HS2ST1: variants seen among roughly 807,000 people sequenced by gnomAD.
The protein encoded by HS2ST1 is heparan sulfate 2-O-sulfotransferase 1, also known as 2-O-sulfotransferase.
HS2ST1 carries 18 observed loss-of-function variants against 42.9 expected under a neutral mutation model. The observed-to-expected ratio is 0.42, with a 90% CI of 0.29 to 0.62. The LOEUF is 0.62. HS2ST1 is among the 20% of genes least tolerant of loss of function. The pLI is 0.21. For synonymous variants in HS2ST1, 146 were observed against 152.9 expected (o/e 0.95, Z 0.33); for missense variants, 334 against 433.8 (o/e 0.77, Z 2.04).
intron 1 of HS2ST1, among the ~76,000 whole-genome samples, chr1:86,990,674 G>A (rs1231881033): frequency 6.7e-6 from 1 of 148,168 alleles, no homozygotes; most frequent in African/African-American, 2.5e-5. Flanking sequence ...ACGGAGTTTT[G>A]CTCTTGTTGC....
intron 1 of HS2ST1, among the ~76,000 whole-genome samples, chr1:87,041,368 CAGAATG>C (rs1201226303): frequency 6.6e-6 from 1 of 150,926 alleles, no homozygotes; most frequent in Non-Finnish European, 1.5e-5. Flanking sequence ...GTGTGGGTTA[CAGAATG>C]AGATCCTGTC....
At chr1:86,963,751 C>CTG (rs1396195322) in intron 1 of HS2ST1, among the ~76,000 whole-genome samples, 4 of 140,366 alleles carry the variant, frequency 2.8e-5, no homozygotes, top group Non-Finnish European at 6.3e-5. Flanking sequence ...GGCGCCCCCC[C>CTG]CCCCACCTCC....
chr1:86,977,492 G>A (rs1648454270), intron 1 of HS2ST1, among the ~76,000 whole-genome samples: 1 of 152,176 alleles, frequency 6.6e-6, no homozygotes, highest in Non-Finnish European at 1.5e-5. Flanking sequence ...CTGCATATTT[G>A]TAATGTCATA....
chr1:87,062,979 A>T (rs1265891475), intron 1 of HS2ST1, among the ~76,000 whole-genome samples: 3 of 152,122 alleles, frequency 2.0e-5, no homozygotes, highest in African/African-American at 4.8e-5. Flanking sequence ...ATGTCTTGAC[A>T]TGGATATCTT....
chr1:87,103,970 C>A (rs1652273999), intron 6 of HS2ST1, among the ~76,000 whole-genome samples: 1 of 152,152 alleles, frequency 6.6e-6, no homozygotes, highest in Non-Finnish European at 1.5e-5. Context: ...TATCATGTGT[C>A]TGAAAGTGAT....
intron 1 of HS2ST1, among the ~76,000 whole-genome samples, chr1:86,929,798 C>T (rs76098585): frequency 0.05 from 7,630 of 151,690 alleles, 671 homozygotes; most frequent in African/African-American, 0.17. Flanking sequence ...GTCAGTTTTC[C>T]CATGGTGATT....
chr1:86,970,003 T>G (rs900509089), intron 1 of HS2ST1, among the ~76,000 whole-genome samples: 4 of 151,684 alleles, frequency 2.6e-5, no homozygotes, highest in Admixed American at 1.3e-4. Flanking sequence ...CACATGCCTG[T>G]AATCCCAGCT....
At chr1:86,915,856 A>T (rs1660143201) in intron 1 of HS2ST1, among the ~76,000 whole-genome samples, 1 of 152,186 alleles carries the variant, frequency 6.6e-6, no homozygotes, top group East Asian at 1.9e-4. Flanking sequence ...GGGGCTTGAG[A>T]ATAGGGATGC....
chr1:86,947,600 A>T (rs1401573444), intron 1 of HS2ST1, among the ~76,000 whole-genome samples: 12 of 142,304 alleles, frequency 8.4e-5, no homozygotes, highest in African/African-American at 1.3e-4. Flanking sequence ...TTTTTTTTTT[A>T]AAGTGAAAAC....
chr1:86,931,944 T>C (rs1338290030), intron 1 of HS2ST1, among the ~76,000 whole-genome samples: 1 of 152,122 alleles, frequency 6.6e-6, no homozygotes, highest in Non-Finnish European at 1.5e-5. Context: ...TAACTTTTCT[T>C]TCTTCTTTTT....
At chr1:86,948,140 A>C (rs1157517898) in intron 1 of HS2ST1, among the ~76,000 whole-genome samples, 1 of 152,116 alleles carries the variant, frequency 6.6e-6, no homozygotes, top group African/African-American at 2.4e-5. Flanking sequence ...AAAAAACAAA[A>C]AAGACTTCTC....
intron 2 of HS2ST1, among the ~76,000 whole-genome samples, chr1:87,082,390 C>T (rs1396019727): frequency 1.3e-5 from 2 of 152,202 alleles, no homozygotes; most frequent in East Asian, 3.8e-4. Flanking sequence ...ATATGATCTT[C>T]CCTGCTGTTT....
intron 4 of HS2ST1, among the ~76,000 whole-genome samples, chr1:87,096,697 G>A (rs1652076039): frequency 6.6e-6 from 1 of 152,186 alleles, no homozygotes; most frequent in African/African-American, 2.4e-5. Context: ...TCAGCTGTGA[G>A]AACGAGAATT....
chr1:86,986,114 G>A lies in HS2ST1; in HGVS notation c.124+70954G>A, dbSNP rs535193847. Among the ~76,000 whole-genome samples the A allele has an allele frequency of 2.1e-5, 3 of 144,432 alleles. No individual in the cohort carries two copies. The East Asian group carries it at 6.2e-4, about 30-fold the overall frequency. 94.8% of individuals were successfully genotyped at this position (144,432 alleles called of 152,430 possible). On this transcript the variant is annotated intron_variant, in intron 1 of 6. Coordinates refer to ENST00000370550, the MANE Select transcript of HS2ST1 (RefSeq NM_012262.4). ...TGTTACAATCAGGATTATTTTATCT[G>A]CTGTATTTGCTAAGTATTATTTTAC...
chr1:87,073,987 T>C (rs931408243), intron 2 of HS2ST1, among the ~76,000 whole-genome samples: 48 of 152,352 alleles, frequency 3.2e-4, no homozygotes, highest in African/African-American at 1.1e-3. Flanking sequence ...TTTATCTGTT[T>C]GAAAGCAGTG....
intron 1 of HS2ST1, among the ~76,000 whole-genome samples, chr1:87,009,862 G>A (rs1439316998): frequency 6.6e-5 from 10 of 151,814 alleles, no homozygotes; most frequent in Admixed American, 2.6e-4. Context: ...GTGAAACCCC[G>A]TCTCTACTAA....
chr1:86,958,247 C>T (rs187227067), intron 1 of HS2ST1, among the ~76,000 whole-genome samples: 3 of 152,258 alleles, frequency 2.0e-5, no homozygotes, highest in East Asian at 1.9e-4. Flanking sequence ...GAAGACTCAC[C>T]GATAACATTA....
At chr1:86,920,383 T>C (rs1313805988) in intron 1 of HS2ST1, among the ~76,000 whole-genome samples, 2 of 152,214 alleles carry the variant, frequency 1.3e-5, no homozygotes, top group African/African-American at 2.4e-5. Context: ...ACCTGTAAGA[T>C]GTTCCAGAGA....
At chr1:87,012,256 G>A (rs1236893679) in intron 1 of HS2ST1, among the ~76,000 whole-genome samples, 2 of 152,202 alleles carry the variant, frequency 1.3e-5, no homozygotes, top group Non-Finnish European at 2.9e-5. Context: ...ACCCGAGACT[G>A]GTAATTTATA....
Sources: gnomAD v4.1 joint callset for allele counts (sites outside exome capture counted in the v4.1 genomes callset) on GRCh38, gnomAD v4.1.1 for gene constraint, MANE v1.5 for transcripts, NCBI Gene and HGNC (gene_info 2026-07-23, HGNC 2026-07-21) for gene names.